The following SS18 variants were observed in gnomAD, a reference collection of about 807,000 sequenced individuals.
The protein encoded by SS18 is protein SSXT.
Under a neutral mutation model 72.5 loss-of-function variants are expected in SS18, and 28 were observed. The observed-to-expected ratio is 0.39, with a 90% CI of 0.29 to 0.53. SS18 has a LOEUF of 0.53. SS18 is among the 20% of genes least tolerant of loss of function. The pLI, the probability that SS18 is intolerant of heterozygous loss-of-function variation, is 0.76. For synonymous variants in SS18, 172 were observed against 164.2 expected (o/e 1.05, Z -0.37); for missense variants, 518 against 535.3 (o/e 0.97, Z 0.32).
In SS18 at chr18:26,066,057, A is replaced by G. The variant is rs527433976; in HGVS notation, c.232-8315T>C. On this transcript the variant is annotated intron_variant, in intron 3 of 10. Coordinates refer to ENST00000415083, the MANE Select transcript of SS18 (RefSeq NM_001007559.3). ...CACTTTTTCCCTGAGCACCAGAATT[A>G]TAAGGTCCCCACTGTCTGCTCCAAC... Among the ~76,000 whole-genome samples the G allele has an allele frequency of 1.2e-4, 19 of 152,082 alleles. No homozygotes were observed. The South Asian group carries it at 3.7e-3, about 30-fold the overall frequency.
At chr18:26,085,410 A>G (rs2054599160) in intron 2 of SS18, among the ~76,000 whole-genome samples, 2 of 152,222 alleles carry the variant, frequency 1.3e-5, no homozygotes, top group South Asian at 4.1e-4. Flanking sequence ...TCTAATATCT[A>G]CTGCTCACAG....
chr18:26,027,701 A>T (rs9947844), intron 10 of SS18, among the ~76,000 whole-genome samples: 3 of 129,834 alleles, frequency 2.3e-5, no homozygotes, highest in African/African-American at 1.1e-4. Flanking sequence ...AAAAAAAAAA[A>T]AAAGTCTTTT....
intron 10 of SS18, among the ~76,000 whole-genome samples, chr18:26,022,851 T>C (rs899500255): frequency 9.2e-5 from 14 of 152,176 alleles, no homozygotes; most frequent in Admixed American, 5.9e-4. Context: ...ACAATACTTG[T>C]TTGTCACATA....
At chr18:26,081,338 C>T (rs896751151) in intron 2 of SS18, 3 of 152,204 alleles carry the variant, frequency 2.0e-5, no homozygotes, top group Non-Finnish European at 4.4e-5. Flanking sequence ...TTACAGGTAT[C>T]CACCACCACG....
intron 5 of SS18, among the ~76,000 whole-genome samples, chr18:26,050,376 A>T (rs974752487): frequency 6.6e-6 from 1 of 152,094 alleles, no homozygotes; most frequent in Non-Finnish European, 1.5e-5. Context: ...AAACAGAAAA[A>T]CTTTCAATGT....
chr18:26,052,214 C>T (rs1354342978), intron 5 of SS18, among the ~76,000 whole-genome samples: 1 of 152,126 alleles, frequency 6.6e-6, no homozygotes, highest in Admixed American at 6.5e-5. Context: ...TTAGAATTAC[C>T]TTTTAATGCT....
intron 3 of SS18, among the ~76,000 whole-genome samples, chr18:26,060,377 T>C (rs776610401): frequency 5.3e-5 from 8 of 152,124 alleles, no homozygotes; most frequent in Non-Finnish European, 1.0e-4. Context: ...GATTTGCTGT[T>C]GCCAGGGGAT....
intron 10 of SS18, among the ~76,000 whole-genome samples, chr18:26,026,728 T>TTGAA (rs558828384): frequency 6.6e-6 from 1 of 152,122 alleles, no homozygotes; most frequent in Non-Finnish European, 1.5e-5. Context: ...ATTTCTATGT[T>TTGAA]TGAATATTCA....
intron 3 of SS18, among the ~76,000 whole-genome samples, chr18:26,077,327 T>C (rs2054434563): frequency 6.6e-6 from 1 of 151,974 alleles, no homozygotes; most frequent in Non-Finnish European, 1.5e-5. Flanking sequence ...TAATTAAGCC[T>C]CTCTAATTAC....
At chr18:26,028,512 A>G (rs545931061) in intron 10 of SS18, among the ~76,000 whole-genome samples, 1 of 152,370 alleles carries the variant, frequency 6.6e-6, no homozygotes, top group East Asian at 1.9e-4. Context: ...GAATGTTCAT[A>G]GTACTGTGTC....
intron 3 of SS18, chr18:26,064,827 T>C (rs569176207): frequency 1.3e-5 from 2 of 152,138 alleles, no homozygotes; most frequent in East Asian, 3.9e-4. Flanking sequence ...CAATTGTCAT[T>C]ATTTGCTGAT....
chr18:26,084,638 T>C (rs2054585519), intron 2 of SS18, among the ~76,000 whole-genome samples: 1 of 152,154 alleles, frequency 6.6e-6, no homozygotes, highest in Non-Finnish European at 1.5e-5. Context: ...AAGGACACAA[T>C]ATCACGTCAG....
chr18:26,053,579 C>T lies in SS18; in HGVS notation c.386-734G>A, dbSNP rs554042776. ...ATTATTTATAAGATAGATCGCAGAC[C>T]CAGACCAAATTAATTACTTAACATA... On this transcript the variant is annotated intron_variant, in intron 4 of 10. Transcript: ENST00000415083. Among the ~76,000 whole-genome samples the T allele has an allele frequency of 1.4e-3, 210 of 149,972 alleles. 1 individual carries two copies. Among genetic ancestry groups the T allele is most frequent in the Middle Eastern group, 3.5e-3 (1 of 286 alleles).
intron 10 of SS18, among the ~76,000 whole-genome samples, chr18:26,027,703 A>AAAAAAACAGAC (rs1555643837): frequency 8.0e-6 from 1 of 124,698 alleles, no homozygotes; most frequent in African/African-American, 3.6e-5. Flanking sequence ...AAAAAAAAAA[A>AAAAAAACAGAC]AGTCTTTTCA....
chr18:26,075,841 A>G (rs2054402012), intron 3 of SS18, among the ~76,000 whole-genome samples: 1 of 151,990 alleles, frequency 6.6e-6, no homozygotes, highest in Non-Finnish European at 1.5e-5. Flanking sequence ...GAAAGCATCT[A>G]CAGAAAAACT....
chr18:26,020,259 C>A (rs2053324780), intron 10 of SS18, among the ~76,000 whole-genome samples: 1 of 152,136 alleles, frequency 6.6e-6, no homozygotes, highest in African/African-American at 2.4e-5. Flanking sequence ...ATATATATCT[C>A]TGGATCACAA....
chr18:26,031,919 A>G (rs947795027), intron 10 of SS18, among the ~76,000 whole-genome samples: 2 of 152,160 alleles, frequency 1.3e-5, no homozygotes, highest in Non-Finnish European at 2.9e-5. Flanking sequence ...AGGTTAAGGC[A>G]AAGTCTCAGC....
At chr18:26,065,496 T>G (rs554628566) in intron 3 of SS18, among the ~76,000 whole-genome samples, 16 of 152,144 alleles carry the variant, frequency 1.1e-4, no homozygotes, top group Middle Eastern at 3.4e-3. Context: ...AAGAAGAAAC[T>G]TGAGTCCTAT....
Position 26,016,422 on chromosome 18 carries a change from GA to G in SS18, c.*1931del, listed in dbSNP as rs2053253656. On this transcript the variant is annotated 3_prime_UTR_variant, in exon 11 of 11. Coordinates refer to ENST00000415083, the MANE Select transcript of SS18 (RefSeq NM_001007559.3). ...ATGTCCATTTTCTACTGATCAAGTT[GA>G]AAGAAAAAACCTATTCTGGCCAGGC... The G allele has an allele frequency of 5.5e-6, 1 of 182,528 alleles. No homozygotes were observed. Among genetic ancestry groups the G allele is most frequent in the East Asian group, 9.0e-5 (1 of 11,108 alleles). 11.3% of individuals were successfully genotyped at this position (182,528 alleles called of 1,614,324 possible). A position where few individuals can be genotyped will look rare whatever the true frequency, so the allele number is the denominator to read the frequency against.
Sources: gnomAD v4.1 joint callset for allele counts (sites outside exome capture counted in the v4.1 genomes callset) on GRCh38, gnomAD v4.1.1 for gene constraint, MANE v1.5 for transcripts, NCBI Gene and HGNC (gene_info 2026-07-23, HGNC 2026-07-21) for gene names.